TAOK3: variants seen among roughly 807,000 people sequenced by gnomAD.
TAOK3 encodes serine/threonine-protein kinase TAO3.
A neutral mutation model predicts 120.4 loss-of-function variants in TAOK3; 40 were observed. The observed-to-expected ratio is 0.33, with a 90% CI of 0.26 to 0.43. TAOK3 has a LOEUF of 0.43. Ranked by LOEUF, TAOK3 falls within the 20% of genes least tolerant of loss-of-function variation. TAOK3 has a pLI of 1.00. For missense variants in TAOK3, 821 were observed against 1,112.1 expected, an observed-to-expected ratio of 0.74 and a Z score of 3.72; for synonymous variants, 355 against 387.5, an observed-to-expected ratio of 0.92 and a Z score of 0.99.
intron 9 of TAOK3, among the ~76,000 whole-genome samples, chr12:118,222,397 G>A (rs1298503863): frequency 6.6e-6 from 1 of 152,096 alleles, no homozygotes; most frequent in Admixed American, 6.6e-5. Flanking sequence ...GCTGGGTGTG[G>A]TGGCACGTGC....
chr12:118,344,778 T>C (rs2044782690), intron 1 of TAOK3, among the ~76,000 whole-genome samples: 1 of 152,192 alleles, frequency 6.6e-6, no homozygotes, highest in Non-Finnish European at 1.5e-5. Flanking sequence ...GCTTTAAAAA[T>C]AATAGTACTT....
intron 19 of TAOK3, among the ~76,000 whole-genome samples, chr12:118,154,930 C>T (rs564733108): frequency 1.3e-5 from 2 of 152,112 alleles, no homozygotes; most frequent in Non-Finnish European, 2.9e-5. Context: ...CTTATCCCCC[C>T]AAGCCAGTGG....
In TAOK3 at chr12:118,172,326, T is replaced by A. The variant is rs1593026506; in HGVS notation, c.1899+131A>T. 3.3e-6 allele frequency: 3 copies of A among 916,624 alleles called. No homozygotes were observed. The East Asian group carries it at 7.7e-5, about 24-fold the overall frequency. 56.8% of individuals were successfully genotyped at this position (916,624 alleles called of 1,614,324 possible). On this transcript the variant is annotated intron_variant, in intron 17 of 20. Transcript: ENST00000392533. The stretch of plus-strand genomic sequence containing the variant: ...CCTGACTTTTTTTGTATACCTACTC[T>A]GTGTTAGCCACTGTGCTAAAAGGCT...
At chr12:118,343,286 G>T (rs141208284) in intron 1 of TAOK3, among the ~76,000 whole-genome samples, 4,824 of 152,026 alleles carry the variant, frequency 0.032, 192 homozygotes, top group African/African-American at 0.075. Context: ...AATTAGCCAG[G>T]CATGATGGCG....
intron 11 of TAOK3, among the ~76,000 whole-genome samples, chr12:118,210,056 A>G (rs2038543624): frequency 6.6e-6 from 1 of 152,174 alleles, no homozygotes; most frequent in African/African-American, 2.4e-5. Context: ...AGACCTATTT[A>G]AAATGAAGAA....
chr12:118,327,116 T>A (rs1215519040), intron 1 of TAOK3, among the ~76,000 whole-genome samples: 1 of 152,146 alleles, frequency 6.6e-6, no homozygotes, highest in African/African-American at 2.4e-5. Context: ...GGGATCACAG[T>A]GATAAAAAAT....
At chr12:118,231,892 C>A (rs1038865940) in intron 9 of TAOK3, among the ~76,000 whole-genome samples, 3 of 146,364 alleles carry the variant, frequency 2.0e-5, no homozygotes, top group African/African-American at 7.6e-5. Flanking sequence ...TGCTGCAATG[C>A]AGCCTGGGTA....
At chr12:118,314,405 A>C (rs1411029309) in intron 1 of TAOK3, among the ~76,000 whole-genome samples, 1 of 152,210 alleles carries the variant, frequency 6.6e-6, no homozygotes, top group Admixed American at 6.5e-5. Context: ...TAACTCTAAA[A>C]CAATATCGTG....
At position 118,165,239 on chromosome 12, in the gene TAOK3, C is replaced by T. The variant is rs1003795914; in HGVS notation, c.1900-3212G>A. Among the ~76,000 whole-genome samples the T allele has an allele frequency of 3.3e-5, 5 of 152,204 alleles. No individual in the cohort carries two copies. In the East Asian group the frequency reaches 9.7e-4, roughly 29 times the overall value. On this transcript the variant is annotated intron_variant, in intron 17 of 20. Coordinates refer to ENST00000392533, the MANE Select transcript of TAOK3 (RefSeq NM_016281.4). ...GGCACCAAAGGATGGAGAGCCCTTCCCACAGACGAAAGCTCTCCCAGGCCA... is the reference window on the plus strand; with the variant it reads ...GGCACCAAAGGATGGAGAGCCCTTCTCACAGACGAAAGCTCTCCCAGGCCA...
intron 14 of TAOK3, among the ~76,000 whole-genome samples, chr12:118,182,345 C>T (rs1026994757): frequency 1.3e-5 from 2 of 151,836 alleles, no homozygotes; most frequent in African/African-American, 4.8e-5. Context: ...CATGTTATTT[C>T]TACTGCACCA....
At position 118,311,326 on chromosome 12, in the gene TAOK3, T is replaced by C. The variant is rs527321591; in HGVS notation, c.-193-44567A>G. Among the ~76,000 whole-genome samples the C allele has an allele frequency of 7.9e-5, 12 of 152,162 alleles. No individual in the cohort carries two copies. The South Asian group carries it at 2.5e-3, about 32-fold the overall frequency. ...AAATACAAAAATTAGCTGGGTGTGGTAGTGGGCACCTGTAATCCCAGCTAC... is the reference window on the plus strand; with the variant it reads ...AAATACAAAAATTAGCTGGGTGTGGCAGTGGGCACCTGTAATCCCAGCTAC... On this transcript the variant is annotated intron_variant, in intron 1 of 20. Transcript: ENST00000392533.
rs1041321520 is a variant in TAOK3 at position 118,161,514 on chromosome 12, T to C, written c.2139+274A>G. ...ACTGCTATTAGTCCAGTTTTGAAGA[T>C]GGCAGGTCATGAAGTGCTCAGAGAA... On this transcript the variant is annotated intron_variant, in intron 18 of 20. Transcript: ENST00000392533. This position sits in a 1 kb window ranked among gnomAD's most constrained non-coding sequence, Gnocchi z 4.5. Among the ~76,000 whole-genome samples the C allele has an allele frequency of 6.6e-6, 1 of 152,246 alleles. No homozygotes were observed. Among genetic ancestry groups the C allele is most frequent in the Non-Finnish European group, 1.5e-5 (1 of 68,042 alleles).
chr12:118,248,370 G>A (rs1362985605), intron 3 of TAOK3, among the ~76,000 whole-genome samples: 2 of 152,006 alleles, frequency 1.3e-5, no homozygotes, highest in East Asian at 3.8e-4. Flanking sequence ...AGAAAGTACA[G>A]AATGACTTTT....
At chr12:118,368,001 T>C (rs761363416) in intron 1 of TAOK3, among the ~76,000 whole-genome samples, 3 of 152,222 alleles carry the variant, frequency 2.0e-5, no homozygotes, top group Non-Finnish European at 4.4e-5. Flanking sequence ...AGGTAGTCTC[T>C]AAGATTACAA....
chr12:118,292,928 T>C (rs1242781211), intron 1 of TAOK3, among the ~76,000 whole-genome samples: 2 of 152,222 alleles, frequency 1.3e-5, no homozygotes, highest in Non-Finnish European at 2.9e-5. Flanking sequence ...CTTTATACCC[T>C]AGAAAGCATT....
chr12:118,215,175 A>T (rs955908435), intron 9 of TAOK3, among the ~76,000 whole-genome samples: 4 of 143,836 alleles, frequency 2.8e-5, no homozygotes, highest in Non-Finnish European at 4.6e-5. Context: ...CACTGCACCC[A>T]GTCCCATAAT....
At chr12:118,276,947 G>A (rs2140370266) in intron 1 of TAOK3, among the ~76,000 whole-genome samples, 1 of 152,258 alleles carries the variant, frequency 6.6e-6, no homozygotes, top group East Asian at 1.9e-4. Flanking sequence ...AGAGGTTGCA[G>A]TGAGCTGAGA....
chr12:118,194,216 T>C (rs1312003029), intron 13 of TAOK3, among the ~76,000 whole-genome samples: 1 of 152,186 alleles, frequency 6.6e-6, no homozygotes, highest in Non-Finnish European at 1.5e-5. Flanking sequence ...ACTCCCACAC[T>C]TTCTACGCTG....
intron 14 of TAOK3, among the ~76,000 whole-genome samples, chr12:118,182,599 G>GTCTA (rs1440847647): frequency 1.1e-5 from 1 of 93,918 alleles, no homozygotes; most frequent in African/African-American, 4.8e-5. Context: ...GTGTGTGTGT[G>GTCTA]TATATATATA....
Sources: gnomAD v4.1 joint callset for allele counts (sites outside exome capture counted in the v4.1 genomes callset) on GRCh38, gnomAD v4.1.1 for gene constraint, Gnocchi (gnomAD v3.1) non-coding constraint, MANE v1.5 for transcripts, NCBI Gene and HGNC (gene_info 2026-07-23, HGNC 2026-07-21) for gene names.